RBFOX1: variants seen among roughly 807,000 people sequenced by gnomAD.
RBFOX1 encodes RNA binding fox-1 homolog 1.
Under a neutral mutation model 57.7 loss-of-function variants are expected in RBFOX1, and 8 were observed. That is an observed-to-expected ratio of 0.14 (90% confidence interval 0.08 to 0.25). RBFOX1 has a LOEUF of 0.25. RBFOX1 is among the 10% of genes least tolerant of loss of function. The pLI, the probability that RBFOX1 is intolerant of heterozygous loss-of-function variation, is 1.00. For synonymous variants in RBFOX1, 326 were observed against 222.4 expected, an observed-to-expected ratio of 1.47 and a Z score of -4.15; for missense variants, 611 against 548.5, an observed-to-expected ratio of 1.11 and a Z score of -1.14.
intron 3 of RBFOX1, among the ~76,000 whole-genome samples, chr16:5,804,534 T>G (rs115652280): frequency 6.6e-6 from 1 of 152,218 alleles, no homozygotes; most frequent in Admixed American, 6.5e-5. Context: ...AAATGAAACG[T>G]TGAGTGCTGT....
chr16:5,454,902 C>CTTTCTTTCT lies in RBFOX1; in HGVS notation c.220-12311_220-12303dup, dbSNP rs1555524178. ...TCTTTCTTTCTTTCTTTCTTTCTTTCTTTCTTTCTTTCCTTTGTTTCTTTC... is the reference window on the plus strand; with the variant it reads ...TCTTTCTTTCTTTCTTTCTTTCTTTCTTTCTTTCTTTTCTTTCTTTCCTTTGTTTCTTTC... On this transcript the variant is annotated intron_variant, in intron 1 of 2. Coordinates refer to the RBFOX1 transcript ENST00000585867. Among the ~76,000 whole-genome samples the CTTTCTTTCT allele has an allele frequency of 2.1e-3, 141 of 66,704 alleles. 6 individuals are homozygous for CTTTCTTTCT. The highest frequency in any genetic ancestry group is 5.5e-3 in the African/African-American group (105 of 19,176). 43.8% of individuals were successfully genotyped at this position (66,704 alleles called of 152,430 possible).
At chr16:6,620,723 C>G (rs1471326042) in intron 2 of RBFOX1, among the ~76,000 whole-genome samples, 1 of 152,090 alleles carries the variant, frequency 6.6e-6, no homozygotes, top group Non-Finnish European at 1.5e-5. Flanking sequence ...ATTATGAAAC[C>G]CTCTCTGCAC....
At chr16:6,920,284 G>A (rs111610493) in intron 3 of RBFOX1, among the ~76,000 whole-genome samples, 1 of 152,110 alleles carries the variant, frequency 6.6e-6, no homozygotes, top group Non-Finnish European at 1.5e-5. Flanking sequence ...TCCTTTGGTA[G>A]ATATCCAGTA....
chr16:6,885,145 G>T (rs923225826), intron 3 of RBFOX1, among the ~76,000 whole-genome samples: 1 of 152,144 alleles, frequency 6.6e-6, no homozygotes, highest in African/African-American at 2.4e-5. Flanking sequence ...GCTCTGACTG[G>T]ACCGCCTCCT....
At chr16:5,962,224 A>G (rs1455539241) in intron 4 of RBFOX1, among the ~76,000 whole-genome samples, 1 of 152,208 alleles carries the variant, frequency 6.6e-6, no homozygotes, top group Non-Finnish European at 1.5e-5. Flanking sequence ...TTATACCTAC[A>G]TCCTTGGCAA....
At chr16:7,022,507 C>G (rs761323572) in intron 3 of RBFOX1, among the ~76,000 whole-genome samples, 2 of 152,042 alleles carry the variant, frequency 1.3e-5, no homozygotes, top group Non-Finnish European at 2.9e-5. Context: ...TTTCTTTATA[C>G]TCCAGATTCC....
chr16:6,938,232 A>G (rs2077701525), intron 3 of RBFOX1, among the ~76,000 whole-genome samples: 3 of 152,324 alleles, frequency 2.0e-5, no homozygotes, highest in East Asian at 1.9e-4. Flanking sequence ...TCATTGTCCT[A>G]TAAATATCAG....
intron 4 of RBFOX1, among the ~76,000 whole-genome samples, chr16:7,299,435 G>T (rs1222776680): frequency 6.6e-6 from 1 of 152,160 alleles, no homozygotes; most frequent in Non-Finnish European, 1.5e-5. Context: ...ACCCAAACTA[G>T]AAAGCTAGAG....
downstream of RBFOX1, among the ~76,000 whole-genome samples, chr16:5,600,445 C>G (rs974313064): frequency 6.8e-6 from 1 of 147,134 alleles, no homozygotes; most frequent in African/African-American, 2.5e-5. Flanking sequence ...ATGATTATGC[C>G]ACTGCACTCC....
At chr16:6,553,529 C>T (rs779420812) in intron 2 of RBFOX1, among the ~76,000 whole-genome samples, 2 of 152,204 alleles carry the variant, frequency 1.3e-5, no homozygotes, top group Non-Finnish European at 1.5e-5. Context: ...CTCAAACCTA[C>T]CACCCAATAT....
At chr16:6,822,022 G>A (rs2091395657) in intron 3 of RBFOX1, among the ~76,000 whole-genome samples, 1 of 152,178 alleles carries the variant, frequency 6.6e-6, no homozygotes, top group Non-Finnish European at 1.5e-5. Flanking sequence ...CAAATAGGGA[G>A]CATGGTTGTA....
chr16:7,518,818 T>C (rs2076942552), intron 5 of RBFOX1, among the ~76,000 whole-genome samples: 1 of 151,744 alleles, frequency 6.6e-6, no homozygotes, highest in African/African-American at 2.4e-5. Flanking sequence ...AAGACAGGAG[T>C]TCGAGAATAG....
At chr16:6,739,086 AAAG>A (rs754991792) in intron 3 of RBFOX1, among the ~76,000 whole-genome samples, 8 of 152,146 alleles carry the variant, frequency 5.3e-5, no homozygotes, top group Admixed American at 3.3e-4. Flanking sequence ...AAAAATAGGG[AAAG>A]AAGAGCTAAA....
Position 5,916,459 on chromosome 16 carries a change from C to T in RBFOX1, c.351+49124C>T, listed in dbSNP as rs535519555. 2.0e-5 allele frequency among the ~76,000 whole-genome samples: 3 copies of T among 152,162 alleles called. No individual in the cohort carries two copies. The East Asian group carries it at 5.8e-4, about 30-fold the overall frequency. On this transcript the variant is annotated intron_variant, in intron 4 of 19. Transcript: ENST00000641259. ...CAGAGAAAAGTCTTAGGGAAAAGGC[C>T]TCTGCTTGACCATTGCTTCCATCTA...
At chr16:6,829,026 C>T (rs190060808) in intron 3 of RBFOX1, among the ~76,000 whole-genome samples, 2 of 152,134 alleles carry the variant, frequency 1.3e-5, no homozygotes, top group African/African-American at 4.8e-5. Context: ...CCTTGAATTC[C>T]TTCTTGAGAC....
chr16:6,426,849 G>C (rs147139914), intron 2 of RBFOX1, among the ~76,000 whole-genome samples: 97 of 152,278 alleles, frequency 6.4e-4, no homozygotes, highest in African/African-American at 2.2e-3. Context: ...CCCATAGCAG[G>C]CTCTAGCTCT....
At chr16:5,278,396 G>A (rs184257395) in intron 1 of RBFOX1, among the ~76,000 whole-genome samples, 56 of 152,182 alleles carry the variant, frequency 3.7e-4, no homozygotes, top group African/African-American at 1.2e-3. Flanking sequence ...CTTTTGTGGC[G>A]ATTGCGTTTG....
At chr16:6,288,190 T>A (rs1327060041) in intron 1 of RBFOX1, among the ~76,000 whole-genome samples, 1 of 151,948 alleles carries the variant, frequency 6.6e-6, no homozygotes, top group African/African-American at 2.4e-5. Context: ...TGTTGAAATT[T>A]ATGGAGAAAA....
At position 7,123,825 on chromosome 16, in the gene RBFOX1, A is replaced by G. The variant is rs145483279; in HGVS notation, c.27+71727A>G. 4.5e-3 allele frequency among the ~76,000 whole-genome samples: 691 copies of G among 152,334 alleles called. 3 individuals carry two copies. Among genetic ancestry groups the G allele is most frequent in the African/African-American group, 0.016 (667 of 41,580 alleles). On this transcript the variant is annotated intron_variant, in intron 4 of 15. Transcript: ENST00000550418. Reference sequence around the variant, plus strand: ...TATATTTAGAATTTGCAATATAAGAAGAAGGGTTTTGCACGAGGGTGGGGC... The same window carrying G: ...TATATTTAGAATTTGCAATATAAGAGGAAGGGTTTTGCACGAGGGTGGGGC...
Sources: allele counts gnomAD v4.1 joint callset (sites outside exome capture counted in the v4.1 genomes callset), GRCh38; gene constraint gnomAD v4.1.1; transcripts MANE v1.5; gene names NCBI Gene and HGNC (gene_info 2026-07-23, HGNC 2026-07-21).